Variants in CRYL1 observed in about 807,000 individuals in gnomAD.
CRYL1 encodes the protein crystallin lambda 1.
CRYL1 carries 29 observed loss-of-function variants against 36.6 expected under a neutral mutation model. The observed-to-expected ratio is 0.79, with a 90% CI of 0.59 to 1.08. The LOEUF is 1.08. CRYL1 is among the 50% of genes least tolerant of loss of function. CRYL1 has a pLI of 0.00. For synonymous variants in CRYL1, 152 were observed against 151.5 expected (o/e 1.00, Z -0.02); for missense variants, 411 against 407.9 (o/e 1.01, Z -0.06).
chr13:20,476,741 C>T (rs2033174848), intron 3 of CRYL1: 1 of 152,266 alleles, frequency 6.6e-6, no homozygotes, highest in Admixed American at 6.5e-5. Flanking sequence ...AACGCAGGCT[C>T]AGCAGGGCGA....
In CRYL1 at chr13:20,439,638, C is replaced by G; in HGVS notation, c.393G>C (p.Leu131Phe). The G allele has an allele frequency of 6.2e-7, 1 of 1,612,740 alleles. No individual in the cohort carries two copies. Among genetic ancestry groups the G allele is most frequent in the Non-Finnish European group, 8.5e-7 (1 of 1,179,728 alleles). Residue 131 changes from leucine (L) to phenylalanine (F), a missense_variant, in exon 4 of 8, where the codon TTG (leucine) becomes TTC (phenylalanine). Transcript: ENST00000298248. ...SSTSCLMPSKLFAGLVHVKQC... is the reference protein window; with the variant it reads ...SSTSCLMPSKFFAGLVHVKQC... ...GCTTCACATGGACCAAGCCAGCAAA[C>G]AACTTGGAAGGCATGAGACAAGAAG...
intron 5 of CRYL1, among the ~76,000 whole-genome samples, chr13:20,416,886 C>T (rs1367430118): frequency 6.6e-6 from 1 of 152,162 alleles, no homozygotes; most frequent in African/African-American, 2.4e-5. Flanking sequence ...CTCCCATGTT[C>T]TCAGTTCTGC....
At chr13:20,497,685 TAC>T (rs1371953185) in intron 2 of CRYL1, among the ~76,000 whole-genome samples, 1 of 145,548 alleles carries the variant, frequency 6.9e-6, no homozygotes, top group Non-Finnish European at 1.5e-5. Context: ...TACACACAAC[TAC>T]ACACACCACA....
chr13:20,417,701 T>C (rs919241150), intron 5 of CRYL1, among the ~76,000 whole-genome samples: 6 of 152,170 alleles, frequency 3.9e-5, no homozygotes, highest in Non-Finnish European at 1.5e-5. Context: ...ACCTGAGATT[T>C]TTCCACAGTG....
chr13:20,518,942 C>A (rs1482479940), intron 1 of CRYL1, among the ~76,000 whole-genome samples: 24 of 152,106 alleles, frequency 1.6e-4, no homozygotes, highest in Non-Finnish European at 3.5e-4. Context: ...GAAAGACTAG[C>A]AATGGAGCAG....
chr13:20,419,261 C>T (rs1190808669), intron 5 of CRYL1, among the ~76,000 whole-genome samples: 1 of 152,118 alleles, frequency 6.6e-6, no homozygotes, highest in African/African-American at 2.4e-5. Flanking sequence ...GCAAATGCTA[C>T]AGGGAGTAAC....
At chr13:20,475,806 A>G (rs1593471243) in intron 3 of CRYL1, among the ~76,000 whole-genome samples, 1 of 152,214 alleles carries the variant, frequency 6.6e-6, no homozygotes, top group Non-Finnish European at 1.5e-5. Context: ...ACCAACTAGG[A>G]TGGCAAGATA....
At chr13:20,514,154 C>T (rs1270634329) in intron 1 of CRYL1, among the ~76,000 whole-genome samples, 1 of 152,202 alleles carries the variant, frequency 6.6e-6, no homozygotes, top group Non-Finnish European at 1.5e-5. Flanking sequence ...GGCATCACCC[C>T]CACTTCCGTG....
rs2034170506 is a variant in CRYL1 at position 20,525,328 on chromosome 13, G to T, written c.41+426C>A. ...ACCTTAGGTAAACTGCTTAGTCTCA[G>T]TATTCTCATTCGTAAAATGGGGATG... On this transcript the variant is annotated intron_variant, in intron 1 of 7. Coordinates refer to ENST00000298248, the MANE Select transcript of CRYL1 (RefSeq NM_015974.3). The surrounding 1 kb of genome is among the most constrained non-coding windows in gnomAD (Gnocchi z 4.3). 6.6e-6 allele frequency among the ~76,000 whole-genome samples: 1 copy of T among 152,240 alleles called. No individual in the cohort carries two copies. Among genetic ancestry groups the T allele is most frequent in the African/African-American group, 2.4e-5 (1 of 41,466 alleles).
At chr13:20,431,967 A>C (rs1460303783) in intron 5 of CRYL1, 135 bp downstream of exon 5, 2 of 1,549,828 alleles carry the variant, frequency 1.3e-6, no homozygotes, top group Non-Finnish European at 1.7e-6. Context: ...GAGCAAGAAG[A>C]AGCAAGCAGC....
intron 2 of CRYL1, among the ~76,000 whole-genome samples, chr13:20,493,616 C>T (rs1016459603): frequency 3.3e-5 from 5 of 152,074 alleles, no homozygotes; most frequent in African/African-American, 1.2e-4. Context: ...GCCGAGATCA[C>T]GCCACTGCAC....
chr13:20,426,812 T>C, intron 5 of CRYL1: 3 of 985,458 alleles, frequency 3.0e-6, no homozygotes, highest in Non-Finnish European at 3.6e-6. Flanking sequence ...TTCTGGAATC[T>C]CAGGGCCCCA....
intron 5 of CRYL1, among the ~76,000 whole-genome samples, chr13:20,429,707 T>A (rs527368665): frequency 1.3e-5 from 2 of 152,142 alleles, no homozygotes; most frequent in Non-Finnish European, 2.9e-5. Context: ...TCCAAGTGGA[T>A]GCTCAGGTGT....
chr13:20,430,165 A>G, intron 5 of CRYL1: 1 of 983,222 alleles, frequency 1.0e-6, no homozygotes, highest in African/African-American at 1.7e-5. Flanking sequence ...CTTGGGCCCC[A>G]CTACCTGTAG....
intron 3 of CRYL1, among the ~76,000 whole-genome samples, chr13:20,446,644 C>A (rs936786603): frequency 6.6e-6 from 1 of 152,292 alleles, no homozygotes; most frequent in East Asian, 1.9e-4. Context: ...ATTCTCACAC[C>A]TAGGCTCTCC....
chr13:20,415,496 G>A lies in CRYL1; in HGVS notation c.634-2109C>T, dbSNP rs1205374260. Among the ~76,000 whole-genome samples, 3 of 152,226 alleles carry A rather than the reference G, an allele frequency of 2.0e-5. No homozygotes were observed. Among genetic ancestry groups the A allele is most frequent in the Non-Finnish European group, 2.9e-5 (2 of 68,030 alleles). Reference sequence around the variant, plus strand: ...AAGCGGGAGCAGGCGGCCTGGCCCAGGAGCCAGGACGGCCACAGCCACGCC... The same window carrying A: ...AAGCGGGAGCAGGCGGCCTGGCCCAAGAGCCAGGACGGCCACAGCCACGCC... On this transcript the variant is annotated intron_variant, in intron 5 of 7. Transcript: ENST00000298248. This position sits in a 1 kb window ranked among gnomAD's most constrained non-coding sequence, Gnocchi z 4.1.
Position 20,435,684 on chromosome 13 carries a change from G to GGCAGC in CRYL1, c.439-3393_439-3389dup, listed in dbSNP as rs1474606630. Among the ~76,000 whole-genome samples, 4 of 152,260 alleles carry GGCAGC rather than the reference G, an allele frequency of 2.6e-5. No homozygotes were observed. Among genetic ancestry groups the GGCAGC allele is most frequent in the East Asian group, 1.9e-4 (1 of 5,170 alleles). ...CCCGAAAGGGTTCGACAGATACAACGGCAGCGCAGCGCAGGGGCCTGGGCC... is the reference window on the plus strand; with the variant it reads ...CCCGAAAGGGTTCGACAGATACAACGGCAGCGCAGCGCAGCGCAGGGGCCTGGGCC... On this transcript the variant is annotated intron_variant, in intron 4 of 7. Transcript: ENST00000298248. This position sits in a 1 kb window ranked among gnomAD's most constrained non-coding sequence, Gnocchi z 4.0.
At position 20,525,073 on chromosome 13, in the gene CRYL1, TA is replaced by T. The variant is rs2034165899; in HGVS notation, c.41+680del. On this transcript the variant is annotated intron_variant, in intron 1 of 7. Coordinates refer to ENST00000298248, the MANE Select transcript of CRYL1 (RefSeq NM_015974.3). This position sits in a 1 kb window ranked among gnomAD's most constrained non-coding sequence, Gnocchi z 4.3. ...GGGGCGGGGTGGGGGAAGCACACACTAAAAATCAGTTTGGGCAGAATTTAAG... is the reference window on the plus strand; with the variant it reads ...GGGGCGGGGTGGGGGAAGCACACACTAAAATCAGTTTGGGCAGAATTTAAG... 6.6e-6 allele frequency among the ~76,000 whole-genome samples: 1 copy of T among 151,844 alleles called. No individual in the cohort carries two copies. Among genetic ancestry groups the T allele is most frequent in the Non-Finnish European group, 1.5e-5 (1 of 67,926 alleles).
intron 5 of CRYL1, among the ~76,000 whole-genome samples, chr13:20,417,982 G>A (rs2137372175): frequency 6.6e-6 from 1 of 152,302 alleles, no homozygotes; most frequent in East Asian, 1.9e-4. Context: ...ATGTGACTGT[G>A]GGCCTGGCAA....
Sources: allele counts gnomAD v4.1 joint callset (sites outside exome capture counted in the v4.1 genomes callset), GRCh38; gene constraint gnomAD v4.1.1; non-coding constraint Gnocchi (gnomAD v3.1); transcripts MANE v1.5; gene names NCBI Gene and HGNC (gene_info 2026-07-23, HGNC 2026-07-21).